The following RNF130 variants were observed in gnomAD, a reference collection of about 807,000 sequenced individuals.
RNF130 encodes the protein ring finger protein 130, also known as E3 ubiquitin-protein ligase RNF130.
Under a neutral mutation model 44.6 loss-of-function variants are expected in RNF130, and 21 were observed. The ratio of observed to expected loss-of-function variants is 0.47; its 90% CI spans 0.33 to 0.68. RNF130 has a LOEUF of 0.68. RNF130 is among the 30% of genes least tolerant of loss of function. RNF130 has a pLI of 0.02. For missense variants in RNF130, 479 were observed against 560.6 expected (o/e 0.85, Z 1.47); for synonymous variants, 214 against 210.4 (o/e 1.02, Z -0.15).
rs182231799 is a variant in RNF130 at position 180,003,171 on chromosome 5, A to G, written c.693+9890T>C. Among the ~76,000 whole-genome samples, 8 of 152,292 alleles carry G rather than the reference A, an allele frequency of 5.3e-5. No homozygotes were observed. In the East Asian group the frequency reaches 1.5e-3, roughly 29 times the overall value. ...AAAGAAGAGCGCAAAGTCAAGAAAG[A>G]TTTAGCAGGTAAAACCGACAGAACC... On this transcript the variant is annotated intron_variant, in intron 3 of 8. Coordinates refer to ENST00000521389, the MANE Select transcript of RNF130 (RefSeq NM_018434.6).
intron 3 of RNF130, among the ~76,000 whole-genome samples, chr5:179,998,871 A>ATG (rs1763265919): frequency 7.8e-6 from 1 of 128,068 alleles, no homozygotes; most frequent in Non-Finnish European, 1.7e-5. Flanking sequence ...ATATATATAT[A>ATG]TATATATATA....
chr5:180,003,514 T>A (rs1763394732), intron 3 of RNF130, among the ~76,000 whole-genome samples: 1 of 152,230 alleles, frequency 6.6e-6, no homozygotes, highest in Non-Finnish European at 1.5e-5. Context: ...TCACTGTAAT[T>A]TTTCTTTGGA....
intron 3 of RNF130, among the ~76,000 whole-genome samples, chr5:180,009,588 T>C (rs1582184603): frequency 2.6e-5 from 4 of 151,974 alleles, no homozygotes; most frequent in African/African-American, 9.7e-5. Flanking sequence ...CTGTCGAGAG[T>C]GTGGAGGAAC....
At chr5:179,924,641 T>C (rs955580109) in intron 7 of RNF130, among the ~76,000 whole-genome samples, 1 of 151,720 alleles carries the variant, frequency 6.6e-6, no homozygotes, top group Non-Finnish European at 1.5e-5. Context: ...ATATAAAAAT[T>C]AGCCAGGCAT....
intron 7 of RNF130, among the ~76,000 whole-genome samples, chr5:179,925,199 G>A (rs1241326553): frequency 6.6e-6 from 1 of 152,224 alleles, no homozygotes; most frequent in Non-Finnish European, 1.5e-5. Context: ...GACCAAGGCA[G>A]GACTAGAGGC....
chr5:179,980,010 T>C (rs12522345), intron 4 of RNF130, 119 bp downstream of exon 4: 17 of 786,104 alleles, frequency 2.2e-5, no homozygotes, highest in South Asian at 8.1e-5. Context: ...CATTAGGTAG[T>C]GTAGTTGGAG....
intron 1 of RNF130, among the ~76,000 whole-genome samples, chr5:180,041,820 T>TA (rs1764426247): frequency 6.6e-6 from 1 of 152,204 alleles, no homozygotes; most frequent in Non-Finnish European, 1.5e-5. Flanking sequence ...TCACGCCTGT[T>TA]AATCCCAGCA....
intron 7 of RNF130, among the ~76,000 whole-genome samples, chr5:179,930,289 C>T (rs917842797): frequency 4.6e-5 from 7 of 152,158 alleles, no homozygotes; most frequent in Admixed American, 1.3e-4. Flanking sequence ...AACTCCTGAC[C>T]TCGTGATCTG....
chr5:180,063,127 C>T lies in RNF130; in HGVS notation c.247+8329G>A, dbSNP rs71613439. The stretch of plus-strand genomic sequence containing the variant: ...CCGTTCTAAGGATGATGACGAGCCA[C>T]TGCAGGGGTTTAAGCAAGCAGTAAC... On this transcript the variant is annotated intron_variant, in intron 1 of 8. Coordinates refer to ENST00000521389, the MANE Select transcript of RNF130 (RefSeq NM_018434.6). Among the ~76,000 whole-genome samples, 1,400 of 152,276 alleles carry T rather than the reference C, an allele frequency of 9.2e-3. 8 individuals carry two copies. The highest frequency in any genetic ancestry group is 0.015 in the Non-Finnish European group (1,010 of 68,020).
chr5:179,927,589 T>TTC (rs1478686110), intron 7 of RNF130, among the ~76,000 whole-genome samples: 2 of 144,558 alleles, frequency 1.4e-5, no homozygotes, highest in African/African-American at 5.1e-5. Context: ...GCTTTGTCTT[T>TTC]TTTTTTTTTT....
intron 1 of RNF130, among the ~76,000 whole-genome samples, chr5:180,047,967 C>G (rs934113538): frequency 6.6e-6 from 1 of 150,416 alleles, no homozygotes; most frequent in Non-Finnish European, 1.5e-5. Flanking sequence ...GCCCAGGACT[C>G]TCCAGGGTTC....
chr5:180,012,904 T>G (rs190802309), intron 3 of RNF130, among the ~76,000 whole-genome samples, 157 bp downstream of exon 3: 1 of 152,314 alleles, frequency 6.6e-6, no homozygotes, highest in Non-Finnish European at 1.5e-5. Context: ...AAATATCCCT[T>G]AAATACTCAT....
chr5:180,027,465 G>A (rs1199936728), intron 2 of RNF130, among the ~76,000 whole-genome samples: 13 of 152,292 alleles, frequency 8.5e-5, no homozygotes, highest in Admixed American at 5.9e-4. Flanking sequence ...GAGATTTACC[G>A]TGAATGCCTG....
intron 3 of RNF130, among the ~76,000 whole-genome samples, chr5:179,988,250 T>C (rs1762999047): frequency 2.0e-5 from 3 of 152,242 alleles, no homozygotes; most frequent in Admixed American, 1.3e-4. Flanking sequence ...AAACCTCTAA[T>C]GATCCTTTGT....
chr5:180,003,986 T>C (rs1763407617), intron 3 of RNF130, among the ~76,000 whole-genome samples: 1 of 152,236 alleles, frequency 6.6e-6, no homozygotes, highest in Admixed American at 6.5e-5. Flanking sequence ...ACTCGTGTTA[T>C]CGTCACAATC....
intron 2 of RNF130, among the ~76,000 whole-genome samples, chr5:180,021,251 G>A (rs537514379): frequency 6.6e-6 from 1 of 152,276 alleles, no homozygotes; most frequent in Admixed American, 6.5e-5. Flanking sequence ...GCCTCCCAAA[G>A]TGCTGGGATT....
intron 1 of RNF130, among the ~76,000 whole-genome samples, chr5:180,047,864 C>T (rs187191111): frequency 1.3e-5 from 2 of 152,356 alleles, no homozygotes; most frequent in Non-Finnish European, 2.9e-5. Flanking sequence ...TCCTGCACTA[C>T]CACAGTCATT....
At chr5:180,017,110 T>C (rs1455508070) in intron 2 of RNF130, among the ~76,000 whole-genome samples, 1 of 152,222 alleles carries the variant, frequency 6.6e-6, no homozygotes, top group East Asian at 1.9e-4. Flanking sequence ...TCTAGAATAG[T>C]TCCTCAGTCA....
intron 5 of RNF130, among the ~76,000 whole-genome samples, chr5:179,976,486 T>G (rs911066435): frequency 6.6e-6 from 1 of 152,216 alleles, no homozygotes; most frequent in Non-Finnish European, 1.5e-5. Flanking sequence ...TCTCCTGATT[T>G]GCACTGGCGT....
Sources: gnomAD v4.1 joint callset for allele counts (sites outside exome capture counted in the v4.1 genomes callset) on GRCh38, gnomAD v4.1.1 for gene constraint, MANE v1.5 for transcripts, NCBI Gene and HGNC (gene_info 2026-07-23, HGNC 2026-07-21) for gene names.